ADSS2: variants seen among roughly 807,000 people sequenced by gnomAD.
ADSS2 encodes the protein adenylosuccinate synthase 2.
Under a neutral mutation model 60.0 loss-of-function variants are expected in ADSS2, and 30 were observed. The observed-to-expected ratio is 0.50, with a 90% CI of 0.37 to 0.68. The LOEUF (loss-of-function observed/expected upper bound fraction) is 0.68, where lower values mean the gene tolerates loss of function less well. Among genes scored for constraint, ADSS2 ranks in the 30% least tolerant of loss-of-function variants. The pLI is 0.00. For synonymous variants in ADSS2, 187 were observed against 193.1 expected (o/e 0.97, Z 0.26); for missense variants, 373 against 554.8 (o/e 0.67, Z 3.29).
chr1:244,429,088 A>T (rs533845869), intron 4 of ADSS2, among the ~76,000 whole-genome samples: 1 of 152,316 alleles, frequency 6.6e-6, no homozygotes, highest in African/African-American at 2.4e-5. Context: ...CACTTAAATT[A>T]GCTGTTGGGT....
Position 244,416,007 on chromosome 1 carries a change from T to C in ADSS2, c.1142A>G (p.Asp381Gly). Residue 381 changes from aspartate (D) to glycine (G), a missense_variant, in exon 11 of 13, where the codon GAT becomes GGT. Asp to Gly is a moderately conservative substitution (Grantham distance 94, BLOSUM62 -1). Around this residue, in one of 5 missense-constraint regions of ADSS2, gnomAD observed 130 missense variants for 169.4 expected, o/e 0.77. Transcript: ENST00000366535. ...EIKVGVAYKL[D>G]GEIIPHIPAN... ...TGGGATATGAGGTATGATTTCACCA[T>C]CTAACTTGTAAGCAACTCCAACTTT... is the stretch of plus-strand genomic sequence containing the variant. The C allele has an allele frequency of 6.2e-7, 1 of 1,613,482 alleles. No homozygotes were observed. The highest frequency in any genetic ancestry group is 8.5e-7 in the Non-Finnish European group (1 of 1,179,560).
intron 11 of ADSS2, 71 bp from the exon 12 acceptor site, chr1:244,411,507 A>G: frequency 6.9e-7 from 1 of 1,448,680 alleles, no homozygotes; most frequent in Non-Finnish European, 9.3e-7. Context: ...GATATATTGT[A>G]GGTTCAAAAT....
chr1:244,441,257 A>C (rs1027231215), intron 1 of ADSS2, among the ~76,000 whole-genome samples: 5 of 151,912 alleles, frequency 3.3e-5, no homozygotes, highest in Non-Finnish European at 7.4e-5. Flanking sequence ...ACGGGGTTTC[A>C]CCATGTTAGC....
rs1449804994 is a variant in ADSS2, at chr1:244,409,365, G to A, written c.*221C>T. ...ACGTGGCACCATGAGAGCAGCAGGA[G>A]CAACAAATGATTTGGCAATTCCAGC... On this transcript the variant is annotated 3_prime_UTR_variant, in exon 13 of 13. Coordinates refer to ENST00000366535, the MANE Select transcript of ADSS2 (RefSeq NM_001126.5). The A allele has an allele frequency of 2.6e-5, 11 of 429,728 alleles. No individual in the cohort carries two copies. Among genetic ancestry groups the A allele is most frequent in the South Asian group, 4.9e-5 (1 of 20,298 alleles). The allele number at this position is 429,728 out of a possible 1,614,324, so 26.6% of individuals were successfully genotyped here. A position where few individuals can be genotyped will look rare whatever the true frequency, so the allele number is the denominator to read the frequency against.
intron 3 of ADSS2, among the ~76,000 whole-genome samples, chr1:244,435,306 C>G (rs1665068828): frequency 6.7e-6 from 1 of 150,064 alleles, no homozygotes; most frequent in Admixed American, 6.7e-5. Context: ...CAGGTTGAGT[C>G]TCCTTTATTC....
rs187932147 is a variant in ADSS2 at position 244,442,514 on chromosome 1, A to C, written c.184-4746T>G. ...TATCATTTAAGTTGTTTCCGTATGG[A>C]AACATTGTTAAATATACCCAGAAAC... On this transcript the variant is annotated intron_variant, in intron 1 of 12. Coordinates refer to ENST00000366535, the MANE Select transcript of ADSS2 (RefSeq NM_001126.5). 1.4e-3 allele frequency among the ~76,000 whole-genome samples: 217 copies of C among 152,282 alleles called. 2 individuals carry two copies. Among genetic ancestry groups the C allele is most frequent in the African/African-American group, 4.9e-3 (203 of 41,568 alleles).
intron 8 of ADSS2, among the ~76,000 whole-genome samples, chr1:244,419,924 C>T (rs1664637814): frequency 6.6e-6 from 1 of 152,134 alleles, no homozygotes; most frequent in African/African-American, 2.4e-5. Context: ...ATTTACAGAA[C>T]CTCAGACCTA....
intron 1 of ADSS2, among the ~76,000 whole-genome samples, chr1:244,443,056 G>A (rs1183343967): frequency 1.3e-5 from 2 of 152,156 alleles, no homozygotes; most frequent in Non-Finnish European, 2.9e-5. Context: ...TGTAATATGT[G>A]CCAGGATGAG....
chr1:244,418,728 AC>A, intron 9 of ADSS2, 31 bp downstream of exon 9: 1 of 1,539,586 alleles, frequency 6.5e-7, no homozygotes, highest in Non-Finnish European at 8.7e-7. Flanking sequence ...AATTTTTAAT[AC>A]ATTTTGATTA....
intron 1 of ADSS2, among the ~76,000 whole-genome samples, chr1:244,445,259 T>G (rs1665356112): frequency 6.6e-6 from 1 of 152,302 alleles, no homozygotes; most frequent in East Asian, 1.9e-4. Flanking sequence ...AGAACACAAA[T>G]GATTCACAAA....
chr1:244,429,273 T>C (rs139988610), intron 4 of ADSS2, among the ~76,000 whole-genome samples: 203 of 152,362 alleles, frequency 1.3e-3, no homozygotes, highest in African/African-American at 4.4e-3. Context: ...TTTTCCATTG[T>C]ACTACGCTCC....
chr1:244,434,011 T>A (rs1408590793), intron 3 of ADSS2, among the ~76,000 whole-genome samples: 1 of 151,938 alleles, frequency 6.6e-6, no homozygotes, highest in East Asian at 1.9e-4. Flanking sequence ...GGAGGGGCTG[T>A]GAGCTTTCAT....
At chr1:244,438,819 T>G (rs1665164333) in intron 1 of ADSS2, among the ~76,000 whole-genome samples, 1 of 152,190 alleles carries the variant, frequency 6.6e-6, no homozygotes, top group South Asian at 2.1e-4. Context: ...TGAGATATTT[T>G]GATACAAGCA....
At chr1:244,433,518 G>A (rs1665002166) in intron 3 of ADSS2, among the ~76,000 whole-genome samples, 1 of 152,192 alleles carries the variant, frequency 6.6e-6, no homozygotes, top group African/African-American at 2.4e-5. Context: ...AAATTTGCCA[G>A]AAGGGAGTTA....
chr1:244,433,859 T>A (rs1336417813), intron 3 of ADSS2, among the ~76,000 whole-genome samples: 1 of 94,954 alleles, frequency 1.1e-5, no homozygotes, highest in Admixed American at 1.4e-4. Flanking sequence ...ACTCCATCTT[T>A]AAAAAAAAAA....
Position 244,443,129 on chromosome 1 carries a change from C to T in ADSS2, c.184-5361G>A, listed in dbSNP as rs540733817. On this transcript the variant is annotated intron_variant, in intron 1 of 12. Transcript: ENST00000366535. ...ATTCTCCCAAGCAGCACTGGGGAGG[C>T]CAGATAGTACCAAACAAATGATGGG... Among the ~76,000 whole-genome samples, 3 of 152,238 alleles carry T rather than the reference C, an allele frequency of 2.0e-5. No individual in the cohort carries two copies. The East Asian group carries it at 5.8e-4, about 29-fold the overall frequency.
At chr1:244,435,527 T>C (rs1334470906) in intron 3 of ADSS2, among the ~76,000 whole-genome samples, 1 of 144,174 alleles carries the variant, frequency 6.9e-6, no homozygotes, top group East Asian at 2.9e-4. Context: ...TCCTCCTCCT[T>C]CTCTTCCTCC....
At chr1:244,413,541 T>C (rs777567051) in intron 11 of ADSS2, among the ~76,000 whole-genome samples, 5 of 152,136 alleles carry the variant, frequency 3.3e-5, no homozygotes, top group African/African-American at 7.2e-5. Context: ...CAGCAGAGAA[T>C]GGCAGCTCCA....
chr1:244,442,573 A>G (rs947909245), intron 1 of ADSS2, among the ~76,000 whole-genome samples: 1 of 152,164 alleles, frequency 6.6e-6, no homozygotes, highest in Non-Finnish European at 1.5e-5. Flanking sequence ...TTTAGGGGGA[A>G]ATATCTAAGT....
Sources: allele counts gnomAD v4.1 joint callset (sites outside exome capture counted in the v4.1 genomes callset), GRCh38; gene constraint gnomAD v4.1.1; regional missense constraint gnomAD v4.1.1; transcripts MANE v1.5; gene names NCBI Gene and HGNC (gene_info 2026-07-23, HGNC 2026-07-21).